Variants in PPM1H observed in about 807,000 individuals in gnomAD.
PPM1H encodes protein phosphatase, Mg2+/Mn2+ dependent 1H.
A neutral mutation model predicts 54.9 loss-of-function variants in PPM1H; 27 were observed. The observed-to-expected ratio is 0.49, with a 90% CI of 0.36 to 0.68. PPM1H has a LOEUF of 0.68. PPM1H is among the 30% of genes least tolerant of loss of function. The probability of loss-of-function intolerance (pLI) is 0.00; values close to 1 mark genes in which losing one functional copy is unlikely to be tolerated. For missense variants in PPM1H, 596 were observed against 667.8 expected (o/e 0.89, Z 1.19); for synonymous variants, 305 against 270.8 (o/e 1.13, Z -1.24).
At chr12:62,864,590 T>A (rs1352921676) in intron 1 of PPM1H, among the ~76,000 whole-genome samples, 2 of 152,248 alleles carry the variant, frequency 1.3e-5, no homozygotes. Context: ...ATATGAAAAC[T>A]TTTTTAATAT....
intron 3 of PPM1H, among the ~76,000 whole-genome samples, chr12:62,789,680 T>C (rs2076692887): frequency 6.6e-6 from 1 of 152,176 alleles, no homozygotes; most frequent in South Asian, 2.1e-4. Context: ...ACTATGAACC[T>C]CATTGTTTAG....
chr12:62,711,138 C>G (rs535089004), intron 6 of PPM1H, among the ~76,000 whole-genome samples: 1 of 152,144 alleles, frequency 6.6e-6, no homozygotes, highest in Non-Finnish European at 1.5e-5. Context: ...ACTATAGGCA[C>G]GTGCCAACAC....
At chr12:62,676,046 A>G (rs35007137) in intron 8 of PPM1H, among the ~76,000 whole-genome samples, 26,046 of 152,126 alleles carry the variant, frequency 0.17, 3,068 homozygotes, top group African/African-American at 0.33. Context: ...GGGTTTTTAC[A>G]GGCTTCAGAA....
At chr12:62,709,433 T>C (rs1180650420) in intron 6 of PPM1H, among the ~76,000 whole-genome samples, 2 of 152,190 alleles carry the variant, frequency 1.3e-5, no homozygotes, top group East Asian at 3.9e-4. Context: ...ATCTCTGGCT[T>C]CCAAATTCCC....
chr12:62,820,992 C>T (rs1315243588), intron 2 of PPM1H, among the ~76,000 whole-genome samples: 1 of 152,096 alleles, frequency 6.6e-6, no homozygotes, highest in African/African-American at 2.4e-5. Context: ...GGAGGATGCT[C>T]GAACCCATTG....
At chr12:62,817,673 C>A (rs939760157) in intron 2 of PPM1H, among the ~76,000 whole-genome samples, 2 of 152,128 alleles carry the variant, frequency 1.3e-5, no homozygotes, top group African/African-American at 4.8e-5. Context: ...GTTGTAGAAC[C>A]AGAAGCAACC....
chr12:62,698,325 ATTCT>A (rs2076124905), intron 6 of PPM1H, among the ~76,000 whole-genome samples: 4 of 152,326 alleles, frequency 2.6e-5, no homozygotes, highest in African/African-American at 9.6e-5. Flanking sequence ...GCTCTGGGAA[ATTCT>A]TTCTTAAACT....
chr12:62,791,220 C>T (rs902704909), intron 3 of PPM1H, among the ~76,000 whole-genome samples: 1 of 152,096 alleles, frequency 6.6e-6, no homozygotes, highest in Non-Finnish European at 1.5e-5. Flanking sequence ...AATTAAAATG[C>T]TTGACTGCCA....
chr12:62,792,607 G>A (rs1372039671), intron 3 of PPM1H, among the ~76,000 whole-genome samples: 1 of 152,162 alleles, frequency 6.6e-6, no homozygotes, highest in Non-Finnish European at 1.5e-5. Context: ...TGAAAGACGT[G>A]TTTCCATAGA....
intron 4 of PPM1H, among the ~76,000 whole-genome samples, chr12:62,739,369 C>T (rs1478891786): frequency 6.6e-6 from 1 of 151,946 alleles, no homozygotes; most frequent in East Asian, 1.9e-4. Flanking sequence ...GGAGTTTTGA[C>T]AGGATGGAGA....
At chr12:62,931,186 A>C (rs1872121454) in intron 1 of PPM1H, among the ~76,000 whole-genome samples, 2 of 152,190 alleles carry the variant, frequency 1.3e-5, no homozygotes, top group South Asian at 4.1e-4. Context: ...TTTCCTCCCA[A>C]GGAAGGCTTG....
intron 9 of PPM1H, among the ~76,000 whole-genome samples, chr12:62,663,967 G>A (rs2075901814): frequency 6.7e-6 from 1 of 149,018 alleles, no homozygotes; most frequent in African/African-American, 2.5e-5. Flanking sequence ...ACTCCAGCCT[G>A]GGCAACAAGA....
intron 4 of PPM1H, among the ~76,000 whole-genome samples, chr12:62,771,045 G>GAC (rs71086630): frequency 0.14 from 18,463 of 129,320 alleles, 1,302 homozygotes; most frequent in East Asian, 0.22. Context: ...AAAAGAAAAA[G>GAC]ACACACACAC....
At chr12:62,778,152 T>C (rs904032785) in intron 4 of PPM1H, among the ~76,000 whole-genome samples, 1 of 152,182 alleles carries the variant, frequency 6.6e-6, no homozygotes, top group Non-Finnish European at 1.5e-5. Context: ...AAAATGATAG[T>C]GATATCCAAG....
chr12:62,934,474 C>G lies in PPM1H; in HGVS notation c.245+18G>C. Reference sequence around the variant, plus strand: ...GCCGCGAGGAGAGCAGGGGCGCCGCCGGTGTCGCTGCACTCACTCTGCGTA... The same window carrying G: ...GCCGCGAGGAGAGCAGGGGCGCCGCGGGTGTCGCTGCACTCACTCTGCGTA... On this transcript the variant is annotated intron_variant, in intron 1 of 9. Coordinates refer to ENST00000228705, the MANE Select transcript of PPM1H (RefSeq NM_020700.2). The surrounding 1 kb of genome is among the most constrained non-coding windows in gnomAD (Gnocchi z 4.2). The G allele has an allele frequency of 2.6e-6, 4 of 1,529,338 alleles. No homozygotes were observed. In the South Asian group the frequency reaches 4.9e-5, roughly 19 times the overall value. The allele number at this position is 1,529,338 out of a possible 1,614,324, so 94.7% of individuals were successfully genotyped here. A position where few individuals can be genotyped will look rare whatever the true frequency, so the allele number is the denominator to read the frequency against.
At chr12:62,852,180 G>C (rs1869216106) in intron 1 of PPM1H, among the ~76,000 whole-genome samples, 1 of 136,496 alleles carries the variant, frequency 7.3e-6, no homozygotes, top group Non-Finnish European at 1.5e-5. Flanking sequence ...AGTGAGGCGA[G>C]ATTGTGCCAC....
intron 9 of PPM1H, among the ~76,000 whole-genome samples, chr12:62,666,864 C>T (rs1166002807): frequency 6.6e-6 from 1 of 152,176 alleles, no homozygotes; most frequent in African/African-American, 2.4e-5. Flanking sequence ...CAGGTGCCCA[C>T]CACCATGCCC....
At chr12:62,707,799 C>T (rs2076183630) in intron 6 of PPM1H, among the ~76,000 whole-genome samples, 1 of 152,114 alleles carries the variant, frequency 6.6e-6, no homozygotes, top group Non-Finnish European at 1.5e-5. Flanking sequence ...CTTCAATGCC[C>T]AACCTAATAC....
intron 2 of PPM1H, among the ~76,000 whole-genome samples, chr12:62,813,837 C>G (rs890134645): frequency 6.6e-6 from 1 of 152,166 alleles, no homozygotes; most frequent in Non-Finnish European, 1.5e-5. Context: ...CTTAGCAAGA[C>G]AGTAAATGAG....
Sources: allele counts gnomAD v4.1 joint callset (sites outside exome capture counted in the v4.1 genomes callset), GRCh38; gene constraint gnomAD v4.1.1; non-coding constraint Gnocchi (gnomAD v3.1); transcripts MANE v1.5; gene names NCBI Gene and HGNC (gene_info 2026-07-23, HGNC 2026-07-21).